The following RBM17 variants were observed in gnomAD, a reference collection of about 807,000 sequenced individuals.
The protein encoded by RBM17 is splicing factor 45.
Under a neutral mutation model 53.2 loss-of-function variants are expected in RBM17, and 7 were observed. The observed-to-expected ratio is 0.13, with a 90% confidence interval of 0.07 to 0.25. The LOEUF (loss-of-function observed/expected upper bound fraction) is 0.25, where lower values mean the gene tolerates loss of function less well. RBM17 is among the 10% of genes least tolerant of loss of function. The pLI is 1.00. For missense variants in RBM17, 257 were observed against 496.7 expected (o/e 0.52, Z 4.59); for synonymous variants, 167 against 178.1 (o/e 0.94, Z 0.50).
intron 1 of RBM17, among the ~76,000 whole-genome samples, chr10:6,092,152 TA>T (rs1333129505): frequency 6.6e-6 from 1 of 152,348 alleles, no homozygotes; most frequent in Non-Finnish European, 1.5e-5. Flanking sequence ...TTTAAAGTTA[TA>T]AAAACCAGCA....
At chr10:6,098,556 GTTTTTTGTTTTTTTTT>G (rs1251305094) in intron 2 of RBM17, among the ~76,000 whole-genome samples, 16 of 87,982 alleles carry the variant, frequency 1.8e-4, no homozygotes, top group Admixed American at 2.7e-4. Context: ...TAATACACAG[GTTTTTTGTTTTTTTTT>G]TTTTTTTTTT....
rs752152811 is a variant in RBM17 at position 6,109,958 on chromosome 10, G to A, written c.563-28G>A. 33 of 1,575,406 alleles carry A rather than the reference G, an allele frequency of 2.1e-5. No individual in the cohort carries two copies. The South Asian group carries it at 3.4e-4, about 16-fold the overall frequency. On this transcript the variant is annotated intron_variant, in intron 6 of 11. Transcript: ENST00000379888. ...TCAGAGTGTTTTCTATAGTATTTTG[G>A]TGAGCCTACTTTATTTTTCTCCAAT...
At position 6,108,711 on chromosome 10, in the gene RBM17, A is replaced by C. The variant is rs1259242710; in HGVS notation, c.531A>C (p.Pro177=). ...KRSMGGAAIA[P]PTSLVEKDKE... The stretch of plus-strand genomic sequence containing the variant: ...GTATGGGCGGAGCTGCCATTGCCCC[A>C]CCCACTTCTCTGGTAGAGAAAGACA... Residue 177 remains proline, a synonymous_variant, in exon 6 of 12, where the codon CCA becomes CCC. Transcript: ENST00000379888. 6.2e-7 allele frequency: 1 copy of C among 1,612,558 alleles called. No homozygotes were observed. Among genetic ancestry groups the C allele is most frequent in the Admixed American group, 1.7e-5 (1 of 59,984 alleles).
At chr10:6,114,191 G>A in intron 10 of RBM17, 44 bp downstream of exon 10, 1 of 1,148,560 alleles carries the variant, frequency 8.7e-7, no homozygotes, top group Non-Finnish European at 1.3e-6. Flanking sequence ...AGTTGTAATT[G>A]GCACATTACA....
At position 6,110,020 on chromosome 10, in the gene RBM17, A is replaced by G. The variant is rs1335015434; in HGVS notation, c.597A>G (p.Arg199=). Residue 199 remains arginine (R), a synonymous_variant, in exon 7 of 12, where the codon AGA becomes AGG. Coordinates refer to ENST00000379888, the MANE Select transcript of RBM17 (RefSeq NM_032905.5). ...ATTTTCCTTATGAAGAGGACTCAAG[A>G]CCTCGATCACAGTCTTCCAAAGCAG... is the stretch of plus-strand genomic sequence containing the variant. ...PRDFPYEEDS[R]PRSQSSKAAI... 1.2e-6 allele frequency: 2 copies of G among 1,612,470 alleles called. No homozygotes were observed. The highest frequency in any genetic ancestry group is 2.7e-5 in the African/African-American group (2 of 74,874).
At chr10:6,115,351 A>C (rs767985583) in intron 11 of RBM17, 40 bp downstream of exon 11, 1 of 1,560,670 alleles carries the variant, frequency 6.4e-7, no homozygotes, top group Non-Finnish European at 8.8e-7. Context: ...AAAAAAGTTG[A>C]ATTTACAGCC....
At chr10:6,094,539 G>A (rs751142803) in intron 1 of RBM17, among the ~76,000 whole-genome samples, 12 of 152,188 alleles carry the variant, frequency 7.9e-5, no homozygotes, top group Non-Finnish European at 1.8e-4. Flanking sequence ...GTAGGCTTTG[G>A]TTTGCTGACC....
At chr10:6,105,185 C>T in intron 4 of RBM17, 88 bp downstream of exon 4, 1 of 1,257,400 alleles carries the variant, frequency 8.0e-7, no homozygotes, top group Non-Finnish European at 1.1e-6. Context: ...GTCTGTAAGG[C>T]TGAAGTTAAT....
chr10:6,098,556 G>GTTTTTTTTTTTTTTTTTTTTTTTTTTT (rs1221504658), intron 2 of RBM17, among the ~76,000 whole-genome samples: 1 of 87,982 alleles, frequency 1.1e-5, no homozygotes. Context: ...TAATACACAG[G>GTTTTTTTTTTTTTTTTTTTTTTTTTTT]TTTTTTGTTT....
intron 2 of RBM17, among the ~76,000 whole-genome samples, chr10:6,100,925 G>T (rs1299757307): frequency 6.6e-6 from 1 of 152,140 alleles, no homozygotes; most frequent in African/African-American, 2.4e-5. Context: ...GTATAGAAAT[G>T]ATTTTCTTTT....
chr10:6,106,402 A>C (rs1364542891), intron 5 of RBM17, 164 bp downstream of exon 5: 2 of 559,776 alleles, frequency 3.6e-6, no homozygotes. Context: ...GTTTTAATTT[A>C]TATTGGGTTT....
chr10:6,105,244 G>A (rs80219535), intron 4 of RBM17, 147 bp downstream of exon 4: 4 of 699,918 alleles, frequency 5.7e-6, no homozygotes, highest in Non-Finnish European at 9.4e-6. Flanking sequence ...ACTGTTTTAC[G>A]ATTTGTACCT....
intron 1 of RBM17, among the ~76,000 whole-genome samples, chr10:6,090,294 G>A (rs979444852): frequency 5.9e-5 from 9 of 152,198 alleles, no homozygotes; most frequent in Admixed American, 3.3e-4. Flanking sequence ...CGCAGCAGAT[G>A]GAGTTTTTAA....
At chr10:6,090,424 T>A (rs1346251703) in intron 1 of RBM17, among the ~76,000 whole-genome samples, 3 of 152,162 alleles carry the variant, frequency 2.0e-5, no homozygotes, top group African/African-American at 7.2e-5. Context: ...AGGGCTTTAT[T>A]TTTAGAGTTA....
intron 5 of RBM17, chr10:6,108,419 T>C: frequency 2.2e-6 from 1 of 458,954 alleles, no homozygotes; most frequent in Non-Finnish European, 3.9e-6. Context: ...TGCCTTAAAA[T>C]TCATTTGCAG....
rs1554834988 is a variant in RBM17 at position 6,098,563 on chromosome 10, G to GTGTTTTTT, written c.123+1376_123+1377insGTTTTTTT. Among the ~76,000 whole-genome samples the GTGTTTTTT allele has an allele frequency of 1.2e-3, 58 of 46,678 alleles. 1 individual carries two copies. Among genetic ancestry groups the GTGTTTTTT allele is most frequent in the East Asian group, 2.6e-3 (6 of 2,318 alleles). The allele number at this position is 46,678 out of a possible 152,430, so 30.6% of individuals were successfully genotyped here. On this transcript the variant is annotated intron_variant, in intron 2 of 11. Coordinates refer to ENST00000379888, the MANE Select transcript of RBM17 (RefSeq NM_032905.5). ...AATTTCCGTAATACACAGGTTTTTT[G>GTGTTTTTT]TTTTTTTTTTTTTTTTTTTTTTTTT...
chr10:6,097,750 G>T (rs985018977), intron 2 of RBM17, among the ~76,000 whole-genome samples: 3 of 152,212 alleles, frequency 2.0e-5, no homozygotes, highest in African/African-American at 7.2e-5. Flanking sequence ...AGTAGTGGAG[G>T]TCTAAGATTG....
intron 1 of RBM17, among the ~76,000 whole-genome samples, chr10:6,094,146 G>T (rs1436485639): frequency 6.6e-6 from 1 of 151,612 alleles, no homozygotes; most frequent in Non-Finnish European, 1.5e-5. Flanking sequence ...GGCTAATTTT[G>T]TTTCTGTATT....
intron 4 of RBM17, 52 bp downstream of exon 4, chr10:6,105,149 A>G (rs1244895985): frequency 1.3e-6 from 2 of 1,533,842 alleles, no homozygotes; most frequent in Admixed American, 3.5e-5. Context: ...TGTTCATTAA[A>G]ATGTTAACGA....
Sources: allele counts gnomAD v4.1 joint callset (sites outside exome capture counted in the v4.1 genomes callset), GRCh38; gene constraint gnomAD v4.1.1; transcripts MANE v1.5; gene names NCBI Gene and HGNC (gene_info 2026-07-23, HGNC 2026-07-21).